The following LRBA variants were observed in gnomAD, a reference collection of about 807,000 sequenced individuals.
LRBA encodes the protein LPS responsive beige-like anchor protein, also known as lipopolysaccharide-responsive and beige-like anchor protein.
Under a neutral mutation model 330.0 loss-of-function variants are expected in LRBA, and 176 were observed. The observed-to-expected ratio is 0.53, with a 90% CI of 0.47 to 0.60. LRBA has a LOEUF of 0.60. LRBA is among the 20% of genes least tolerant of loss of function. LRBA has a pLI of 0.00. For synonymous variants in LRBA, 1,230 were observed against 1,193.0 expected (o/e 1.03, Z -0.64); for missense variants, 3,259 against 3,444.8 (o/e 0.95, Z 1.35).
chr4:150,625,418 A>G (rs1468976814), intron 37 of LRBA, among the ~76,000 whole-genome samples: 2 of 152,240 alleles, frequency 1.3e-5, no homozygotes, highest in African/African-American at 2.4e-5. Flanking sequence ...ATCTCAAATG[A>G]GCAAAAAGTA....
intron 48 of LRBA, among the ~76,000 whole-genome samples, chr4:150,346,560 G>C (rs1736335717): frequency 1.3e-5 from 2 of 151,716 alleles, no homozygotes; most frequent in African/African-American, 4.8e-5. Context: ...AGGAGTTCGA[G>C]ACCAGCCTGG....
intron 28 of LRBA, among the ~76,000 whole-genome samples, chr4:150,843,318 G>C (rs1177085392): frequency 3.9e-5 from 6 of 152,120 alleles, no homozygotes. Context: ...AAGAAAAATT[G>C]AGGTTAGAAA....
chr4:150,536,965 GA>G (rs1176571229), intron 40 of LRBA, among the ~76,000 whole-genome samples: 2 of 152,138 alleles, frequency 1.3e-5, no homozygotes, highest in Non-Finnish European at 2.9e-5. Context: ...ATTTTTCACA[GA>G]ATTAGAAATA....
At chr4:150,900,476 A>T (rs1343015990) in intron 13 of LRBA, among the ~76,000 whole-genome samples, 2 of 152,218 alleles carry the variant, frequency 1.3e-5, no homozygotes, top group Non-Finnish European at 2.9e-5. Flanking sequence ...GCATTATTCC[A>T]TGAAAATAAC....
chr4:150,749,576 C>A (rs1314833258), intron 35 of LRBA, among the ~76,000 whole-genome samples: 2 of 151,934 alleles, frequency 1.3e-5, no homozygotes, highest in Admixed American at 1.3e-4. Context: ...GACAACATAG[C>A]AAGTCCCTAT....
At chr4:150,573,493 T>C (rs533670474) in intron 40 of LRBA, among the ~76,000 whole-genome samples, 1 of 152,258 alleles carries the variant, frequency 6.6e-6, no homozygotes, top group African/African-American at 2.4e-5. Context: ...ACAATGCCCA[T>C]TTAAGACCTA....
intron 14 of LRBA, among the ~76,000 whole-genome samples, chr4:150,898,266 T>C (rs1333193456): frequency 6.6e-6 from 1 of 152,134 alleles, no homozygotes; most frequent in African/African-American, 2.4e-5. Context: ...GTTATCATTA[T>C]ATAAGCTAAT....
intron 36 of LRBA, among the ~76,000 whole-genome samples, chr4:150,706,148 A>G (rs1215404537): frequency 6.6e-6 from 1 of 151,978 alleles, no homozygotes; most frequent in Non-Finnish European, 1.5e-5. Flanking sequence ...CAAAAGGGCA[A>G]TAAGAAGGAG....
intron 36 of LRBA, among the ~76,000 whole-genome samples, chr4:150,702,765 T>C (rs764885269): frequency 6.6e-6 from 1 of 152,222 alleles, no homozygotes; most frequent in Non-Finnish European, 1.5e-5. Flanking sequence ...AATTTAAACA[T>C]GCTTTAACAA....
chr4:150,848,685 A>T (rs1286582166), intron 26 of LRBA, 133 bp downstream of exon 26: 2 of 685,764 alleles, frequency 2.9e-6, no homozygotes, highest in Non-Finnish European at 4.8e-6. Flanking sequence ...TATGTACATT[A>T]AAAAAAGTAA....
intron 40 of LRBA, among the ~76,000 whole-genome samples, chr4:150,505,758 C>T (rs1463667870): frequency 6.6e-6 from 1 of 151,944 alleles, no homozygotes; most frequent in African/African-American, 2.4e-5. Context: ...AATAGAGACA[C>T]AAAAAACCCT....
In LRBA at chr4:150,460,795, T is replaced by C. The variant is rs561045345; in HGVS notation, c.6780+6878A>G. ...TTTCTTTACCTTGTTCCTCAAACTC[T>C]CTATTTTCCTTCATTTTAAAAATGT... On this transcript the variant is annotated intron_variant, in intron 44 of 56. Coordinates refer to ENST00000651943, the MANE Select transcript of LRBA (RefSeq NM_001364905.1). 6.6e-5 allele frequency among the ~76,000 whole-genome samples: 10 copies of C among 151,986 alleles called. No homozygotes were observed. In the East Asian group the frequency reaches 1.9e-3, roughly 29 times the overall value.
chr4:150,759,142 C>A (rs1734729926), intron 35 of LRBA, among the ~76,000 whole-genome samples: 1 of 152,122 alleles, frequency 6.6e-6, no homozygotes, highest in Non-Finnish European at 1.5e-5. Flanking sequence ...TTTTGAACTC[C>A]TGGGCTCTAA....
chr4:150,657,085 C>G (rs965771224), intron 37 of LRBA, among the ~76,000 whole-genome samples: 2 of 152,128 alleles, frequency 1.3e-5, no homozygotes, highest in African/African-American at 4.8e-5. Flanking sequence ...TAGTACTCAG[C>G]TTAGCACAGA....
chr4:150,817,392 T>C, intron 30 of LRBA, 135 bp from the exon 31 acceptor site: 3 of 755,084 alleles, frequency 4.0e-6, no homozygotes, highest in Non-Finnish European at 6.5e-6. Flanking sequence ...ATGTACAATT[T>C]AGACTTTTCA....
chr4:150,788,003 T>C (rs1446131794), intron 34 of LRBA, among the ~76,000 whole-genome samples: 2 of 152,240 alleles, frequency 1.3e-5, no homozygotes, highest in Non-Finnish European at 2.9e-5. Context: ...TTTAGTTTTT[T>C]GAGGAACTAA....
At chr4:151,004,036 A>C (rs1180850644) in intron 2 of LRBA, among the ~76,000 whole-genome samples, 1 of 151,644 alleles carries the variant, frequency 6.6e-6, no homozygotes, top group African/African-American at 2.4e-5. Flanking sequence ...CTCCTGCCTC[A>C]GCCTCTCCAG....
intron 37 of LRBA, among the ~76,000 whole-genome samples, chr4:150,651,289 C>A (rs1779683140): frequency 6.6e-6 from 1 of 152,034 alleles, no homozygotes; most frequent in Non-Finnish European, 1.5e-5. Context: ...CACTATAGCA[C>A]CAGAATATCC....
intron 37 of LRBA, among the ~76,000 whole-genome samples, chr4:150,658,393 TTAGA>T (rs1301579593): frequency 6.6e-6 from 1 of 150,720 alleles, no homozygotes; most frequent in Admixed American, 6.6e-5. Context: ...TCTTTCCTTA[TTAGA>T]TAAATATGCC....
Sources: gnomAD v4.1 joint callset for allele counts (sites outside exome capture counted in the v4.1 genomes callset) on GRCh38, gnomAD v4.1.1 for gene constraint, MANE v1.5 for transcripts, NCBI Gene and HGNC (gene_info 2026-07-23, HGNC 2026-07-21) for gene names.